Variants in MPV17 observed in about 807,000 individuals in gnomAD.
MPV17 encodes mitochondrial inner membrane protein MPV17.
In MPV17, 31 loss-of-function variants were observed where a neutral mutation model predicts 28.6. The ratio of observed to expected loss-of-function variants is 1.08; its 90% CI spans 0.81 to 1.46. The LOEUF is 1.46. Ranked by LOEUF, MPV17 falls within the 40% of genes most tolerant of loss-of-function variation. The pLI is 0.00. For synonymous variants in MPV17, 87 were observed against 85.3 expected (o/e 1.02, Z -0.11); for missense variants, 198 against 216.2 (o/e 0.92, Z 0.53).
intron 2 of MPV17, 22 bp from the exon 3 acceptor site, chr2:27,313,131 T>C: frequency 6.2e-7 from 1 of 1,614,122 alleles, no homozygotes; most frequent in Non-Finnish European, 8.5e-7. Context: ...ACACAGGTGT[T>C]GTCAGGACAT....
intron 1 of MPV17, 71 bp downstream of exon 1, chr2:27,322,981 A>C (rs1397753237): frequency 1.0e-4 from 21 of 203,848 alleles, no homozygotes; most frequent in African/African-American, 2.3e-5. Flanking sequence ...ATATAGGATG[A>C]CCACACACCT....
At chr2:27,316,188 T>C in intron 2 of MPV17, 1 of 1,551,150 alleles carries the variant, frequency 6.4e-7, no homozygotes, top group Non-Finnish European at 8.7e-7. Context: ...GCAATATTCC[T>C]GGGAAAGAAA....
In MPV17 at chr2:27,311,939, C is replaced by G. The variant is rs1468327198; in HGVS notation, c.421G>C (p.Val141Leu). The change falls in exon 7 of 8, where the codon GTG becomes CTG. Residue 141 changes from valine to leucine, a missense_variant. Transcript: ENST00000380044. ...ACCAGGTAGAAGTTGGCTAACTGCA[C>G]AGCAGGCCATAGCTGCAAGAGAAAA... is the stretch of plus-strand genomic sequence containing the variant. Reference protein sequence around the residue: ...LITNYYLWPAVQLANFYLVPL... With the variant: ...LITNYYLWPALQLANFYLVPL... 1 of 1,613,710 alleles carries G rather than the reference C, an allele frequency of 6.2e-7. No individual in the cohort carries two copies. Among genetic ancestry groups the G allele is most frequent in the Admixed American group, 1.7e-5 (1 of 59,994 alleles).
At chr2:27,319,305 C>T (rs565320105) in intron 2 of MPV17, among the ~76,000 whole-genome samples, 9 of 151,690 alleles carry the variant, frequency 5.9e-5, no homozygotes, top group South Asian at 2.1e-4. Flanking sequence ...CTAACCCAAA[C>T]GCCACTATAA....
chr2:27,322,505 G>C lies in MPV17; in HGVS notation c.13C>G (p.Arg5Gly). Residue 5 changes from arginine (R) to glycine (G), a missense_variant, in exon 2 of 8, where the codon CGG becomes GGG. By Grantham distance (125) the Arg-to-Gly change is moderately radical (BLOSUM62 -2). Transcript: ENST00000380044. ...GCGGCCAGGGCCCGCTGGTATGCCC[G>C]CCAGAGTGCCATGCTTCCTGTCAAG... MALW[R>G]AYQRALAAHP... 3 of 1,613,936 alleles carry C rather than the reference G, an allele frequency of 1.9e-6. No individual in the cohort carries two copies. The highest frequency in any genetic ancestry group is 2.5e-6 in the Non-Finnish European group (3 of 1,180,002).
intron 2 of MPV17, 175 bp downstream of exon 2, chr2:27,322,273 A>G: frequency 1.5e-6 from 1 of 682,248 alleles, no homozygotes. Context: ...TACCCCTTAA[A>G]AACAGCCTTG....
Position 27,309,602 on chromosome 2 carries a change from T to G in MPV17, c.*310A>C. The G allele has an allele frequency of 1.7e-6, 1 of 573,404 alleles. No homozygotes were observed. The highest frequency in any genetic ancestry group is 3.1e-6 in the Non-Finnish European group (1 of 321,006). 35.5% of individuals were successfully genotyped at this position (573,404 alleles called of 1,614,324 possible). ...GCCTAGGCAGGGTTAGAGTAACAAA[T>G]GTGTCTATGAAGAGTGGGGATGAGT... is the stretch of plus-strand genomic sequence containing the variant. On this transcript the variant is annotated 3_prime_UTR_variant, in exon 8 of 8. Coordinates refer to ENST00000380044, the MANE Select transcript of MPV17 (RefSeq NM_002437.5).
intron 5 of MPV17, 52 bp downstream of exon 5, chr2:27,312,442 C>G (rs182015952): frequency 6.3e-7 from 1 of 1,578,520 alleles, no homozygotes; most frequent in Non-Finnish European, 8.7e-7. Context: ...TCTTCTTCCC[C>G]TGGGCTGTCA....
chr2:27,320,261 T>C (rs1179214105), intron 2 of MPV17, among the ~76,000 whole-genome samples: 1 of 149,964 alleles, frequency 6.7e-6, no homozygotes, highest in African/African-American at 2.4e-5. Context: ...AGAAAAAAAA[T>C]GTCCAAAACC....
chr2:27,312,982 G>T lies in MPV17; in HGVS notation c.186+12C>A. 6.2e-7 allele frequency: 1 copy of T among 1,613,944 alleles called. No homozygotes were observed. Among genetic ancestry groups the T allele is most frequent in the Non-Finnish European group, 8.5e-7 (1 of 1,179,798 alleles). ...TTGAGTCCACTGAAGCCCTGTTGAG[G>T]GGAGAACTTACCACAAAGCCACAGC... On this transcript the variant is annotated intron_variant, in intron 3 of 7. Transcript: ENST00000380044.
intron 2 of MPV17, among the ~76,000 whole-genome samples, chr2:27,318,264 C>T (rs1679729957): frequency 6.6e-6 from 1 of 151,854 alleles, no homozygotes; most frequent in Non-Finnish European, 1.5e-5. Flanking sequence ...GATGGGGTTT[C>T]ACCTTGTTGG....
chr2:27,318,033 G>A (rs1038456382), intron 2 of MPV17, among the ~76,000 whole-genome samples: 7 of 152,080 alleles, frequency 4.6e-5, no homozygotes, highest in South Asian at 2.1e-4. Context: ...AACTAGTAGC[G>A]GAGCGGAGTT....
At chr2:27,321,372 G>T (rs1414063741) in intron 2 of MPV17, among the ~76,000 whole-genome samples, 3 of 152,344 alleles carry the variant, frequency 2.0e-5, no homozygotes, top group South Asian at 2.1e-4. Flanking sequence ...AAGGGCCAAA[G>T]AATCCATCTC....
intron 1 of MPV17, among the ~76,000 whole-genome samples, 187 bp downstream of exon 1, chr2:27,322,865 C>T (rs991110285): frequency 5.9e-5 from 9 of 152,202 alleles, no homozygotes; most frequent in South Asian, 2.1e-4. Flanking sequence ...GCTTGGGTGC[C>T]TCAAAAGATA....
intron 2 of MPV17, among the ~76,000 whole-genome samples, chr2:27,315,406 G>A (rs1459075160): frequency 6.6e-6 from 1 of 152,204 alleles, no homozygotes; most frequent in East Asian, 1.9e-4. Flanking sequence ...GAAGGCCAGG[G>A]GATGGTGAGG....
chr2:27,312,605 T>C lies in MPV17; in HGVS notation c.280-16A>G. The C allele has an allele frequency of 1.2e-6, 2 of 1,613,886 alleles. No individual in the cohort carries two copies. Among genetic ancestry groups the C allele is most frequent in the South Asian group, 1.1e-5 (1 of 91,076 alleles). ...CAAAGCCCCCCTAGGGAAGAGAAAT[T>C]AAAGTCCTATGAGTGCTGAAATCCC... On this transcript the variant is annotated splice_polypyrimidine_tract_variant and intron_variant, in intron 4 of 7. Coordinates refer to ENST00000380044, the MANE Select transcript of MPV17 (RefSeq NM_002437.5).
chr2:27,313,412 CCA>C (rs1420990646), intron 2 of MPV17: 1 of 602,408 alleles, frequency 1.7e-6, no homozygotes, highest in African/African-American at 1.9e-5. Flanking sequence ...GAATTTAAGG[CCA>C]CAGGGCTGAG....
intron 2 of MPV17, 107 bp from the exon 3 acceptor site, chr2:27,313,216 C>G: frequency 1.3e-6 from 2 of 1,577,720 alleles, no homozygotes; most frequent in Non-Finnish European, 1.7e-6. Flanking sequence ...TACTCTGAAC[C>G]CCAGGGCTTC....
chr2:27,318,433 T>C (rs921361647), intron 2 of MPV17, among the ~76,000 whole-genome samples: 4 of 150,868 alleles, frequency 2.7e-5, no homozygotes, highest in Non-Finnish European at 5.9e-5. Context: ...TCTTGGTTCA[T>C]TGCAACCTCT....
Sources: gnomAD v4.1 joint callset for allele counts (sites outside exome capture counted in the v4.1 genomes callset) on GRCh38, gnomAD v4.1.1 for gene constraint, MANE v1.5 for transcripts, NCBI Gene and HGNC (gene_info 2026-07-23, HGNC 2026-07-21) for gene names.